The following FSTL4 variants were observed in gnomAD, a reference collection of about 807,000 sequenced individuals.
The protein encoded by FSTL4 is follistatin like 4.
FSTL4 carries 28 observed loss-of-function variants against 78.2 expected under a neutral mutation model. The ratio of observed to expected loss-of-function variants is 0.36; its 90% CI spans 0.27 to 0.49. The LOEUF is 0.49. Ranked by LOEUF, FSTL4 falls within the 20% of genes least tolerant of loss-of-function variation. The pLI, the probability that FSTL4 is intolerant of heterozygous loss-of-function variation, is 0.98. For missense variants in FSTL4, 922 were observed against 1,084.9 expected (o/e 0.85, Z 2.11); for synonymous variants, 422 against 440.5 (o/e 0.96, Z 0.53).
At chr5:133,460,818 C>T (rs1454329132) in intron 3 of FSTL4, among the ~76,000 whole-genome samples, 2 of 152,214 alleles carry the variant, frequency 1.3e-5, no homozygotes, top group African/African-American at 4.8e-5. Context: ...GGCTCAAACG[C>T]CTTCCAACTC....
intron 4 of FSTL4, among the ~76,000 whole-genome samples, chr5:133,332,295 G>A (rs571120603): frequency 1.3e-5 from 2 of 152,304 alleles, no homozygotes; most frequent in East Asian, 1.9e-4. Flanking sequence ...CACACACTGC[G>A]CAATGACTCC....
At chr5:133,518,955 T>C (rs779354447) in intron 3 of FSTL4, among the ~76,000 whole-genome samples, 2 of 152,242 alleles carry the variant, frequency 1.3e-5, no homozygotes, top group Non-Finnish European at 2.9e-5. Flanking sequence ...TCTTTGTATG[T>C]GGTTAGTACT....
At chr5:133,289,721 T>C (rs6887814) in intron 6 of FSTL4, among the ~76,000 whole-genome samples, 2,918 of 152,256 alleles carry the variant, frequency 0.019, 92 homozygotes, top group African/African-American at 0.067. Context: ...AAGCCTGACA[T>C]TCTGCCTCCA....
intron 3 of FSTL4, among the ~76,000 whole-genome samples, chr5:133,474,309 C>G (rs527416717): frequency 6.8e-6 from 1 of 146,810 alleles, no homozygotes; most frequent in Non-Finnish European, 1.5e-5. Flanking sequence ...AATGAACAAA[C>G]GGGAGACAGG....
intron 2 of FSTL4, among the ~76,000 whole-genome samples, chr5:133,591,707 C>T (rs539902689): frequency 6.6e-6 from 1 of 152,172 alleles, no homozygotes; most frequent in South Asian, 2.1e-4. Context: ...GGGCCCAGAG[C>T]TGCAGCAAGG....
intron 3 of FSTL4, among the ~76,000 whole-genome samples, chr5:133,449,731 T>A (rs559576552): frequency 1.1e-4 from 17 of 152,288 alleles, no homozygotes; most frequent in African/African-American, 3.8e-4. Context: ...ATGGCGGGTG[T>A]TCCCTGTTGG....
At chr5:133,753,727 G>GTGTGTGTGTGTGTGTGTA in the FSTL4 span, among the ~76,000 whole-genome samples, 321 of 134,860 alleles carry the variant, frequency 2.4e-3, 3 homozygotes, top group Non-Finnish European at 3.1e-3. Context: ...GTGTGTGTGT[G>GTGTGTGTGTGTGTGTGTA]TAGTGGCAGG....
chr5:133,524,708 G>T (rs1391252949), intron 3 of FSTL4, among the ~76,000 whole-genome samples: 2 of 152,142 alleles, frequency 1.3e-5, no homozygotes, highest in Admixed American at 6.5e-5. Context: ...GTACAATACT[G>T]CAGTGATTCA....
In FSTL4 at chr5:133,233,451, C is replaced by T. The variant is rs368187358; in HGVS notation, c.981G>A (p.Glu327=). The T allele has an allele frequency of 8.1e-5, 130 of 1,614,096 alleles. No individual in the cohort carries two copies. In the African/African-American group the frequency reaches 1.5e-3, roughly 19 times the overall value. The change falls in exon 8 of 16, where the codon GAG becomes GAA. Residue 327 remains glutamate, a synonymous_variant. Transcript: ENST00000265342. ...GNYTCHASGH[E]QLFQTHVLQV... ...GCAGGACGTGGGTCTGGAACAGCTG[C>T]TCGTGGCCGGAAGCATGGCAGGTGT...
At chr5:133,595,515 C>T (rs540146925) in intron 2 of FSTL4, among the ~76,000 whole-genome samples, 2 of 152,332 alleles carry the variant, frequency 1.3e-5, no homozygotes, top group Admixed American at 1.3e-4. Flanking sequence ...AAGATATTTA[C>T]CACTCCACTG....
the FSTL4 span, among the ~76,000 whole-genome samples, chr5:133,679,206 G>C: frequency 6.6e-6 from 1 of 152,074 alleles, no homozygotes; most frequent in Non-Finnish European, 1.5e-5. Flanking sequence ...TTAATCATAG[G>C]CTGGTCACAC....
chr5:133,286,951 A>G (rs1561657446), intron 6 of FSTL4, among the ~76,000 whole-genome samples: 1 of 152,184 alleles, frequency 6.6e-6, no homozygotes, highest in Non-Finnish European at 1.5e-5. Flanking sequence ...CTGATTGTAA[A>G]TATCATTCTG....
At chr5:133,731,541 T>C in the FSTL4 span, among the ~76,000 whole-genome samples, 3,307 of 152,218 alleles carry the variant, frequency 0.022, 135 homozygotes, top group African/African-American at 0.076. Context: ...GGAGGCTTCT[T>C]AGAGAGATGA....
chr5:133,628,357 TTTTCTTTTC>T, the FSTL4 span, among the ~76,000 whole-genome samples: 18 of 134,964 alleles, frequency 1.3e-4, no homozygotes, highest in African/African-American at 4.6e-4. Flanking sequence ...TTTTCTTTTC[TTTTCTTTTC>T]TTTTTTTTTT....
At chr5:133,695,341 C>T in the FSTL4 span, among the ~76,000 whole-genome samples, 6 of 152,304 alleles carry the variant, frequency 3.9e-5, no homozygotes, top group African/African-American at 1.4e-4. Context: ...AGACACCCAG[C>T]ACAACAGCAA....
At chr5:133,433,056 C>T (rs1337266069) in intron 3 of FSTL4, among the ~76,000 whole-genome samples, 2 of 152,218 alleles carry the variant, frequency 1.3e-5, no homozygotes, top group East Asian at 3.8e-4. Context: ...CTGCCCCTGA[C>T]TCCTCAGGCT....
intron 3 of FSTL4, among the ~76,000 whole-genome samples, chr5:133,418,856 C>A (rs1756634663): frequency 6.6e-6 from 1 of 152,224 alleles, no homozygotes; most frequent in African/African-American, 2.4e-5. Context: ...ACAACAAACA[C>A]ATCACCCAAG....
chr5:133,410,210 A>C (rs1160606703), intron 3 of FSTL4, among the ~76,000 whole-genome samples: 1 of 152,194 alleles, frequency 6.6e-6, no homozygotes, highest in East Asian at 1.9e-4. Flanking sequence ...GCTTTGTTTT[A>C]GACACTTCCT....
intron 8 of FSTL4, among the ~76,000 whole-genome samples, chr5:133,231,338 G>T (rs1443658539): frequency 3.3e-5 from 5 of 151,944 alleles, no homozygotes; most frequent in Admixed American, 3.3e-4. Context: ...CCTCCCACCA[G>T]GAGGATGGAG....
Sources: allele counts gnomAD v4.1 joint callset (sites outside exome capture counted in the v4.1 genomes callset), GRCh38; gene constraint gnomAD v4.1.1; transcripts MANE v1.5; gene names NCBI Gene and HGNC (gene_info 2026-07-23, HGNC 2026-07-21).